The following MEF2A variants were observed in gnomAD, a reference collection of about 807,000 sequenced individuals.
The protein encoded by MEF2A is myocyte enhancer factor 2A.
MEF2A carries 28 observed loss-of-function variants against 55.8 expected under a neutral mutation model. That is an observed-to-expected ratio of 0.50 (90% confidence interval 0.37 to 0.69). The LOEUF (loss-of-function observed/expected upper bound fraction) is 0.69. Ranked by LOEUF, MEF2A falls within the 30% of genes least tolerant of loss-of-function variation. MEF2A has a pLI of 0.00. For synonymous variants in MEF2A, 239 were observed against 227.1 expected, an observed-to-expected ratio of 1.05 and a Z score of -0.47; for missense variants, 528 against 626.2, an observed-to-expected ratio of 0.84 and a Z score of 1.67.
intron 11 of MEF2A, 110 bp downstream of exon 11, chr15:99,710,870 T>G: frequency 2.4e-6 from 3 of 1,252,898 alleles, no homozygotes; most frequent in South Asian, 3.1e-5. Flanking sequence ...AATCCTGTAA[T>G]GATTCCTTTT....
intron 4 of MEF2A, among the ~76,000 whole-genome samples, chr15:99,667,866 A>G (rs2050102029): frequency 6.6e-6 from 1 of 152,222 alleles, no homozygotes; most frequent in Admixed American, 6.5e-5. Flanking sequence ...CCCTAGAATC[A>G]GATAACTTGG....
intron 8 of MEF2A, among the ~76,000 whole-genome samples, chr15:99,699,454 G>A (rs911599772): frequency 5.3e-5 from 8 of 152,320 alleles, no homozygotes; most frequent in Admixed American, 2.0e-4. Context: ...GAACTAATCT[G>A]TGTGATGCTG....
rs1972353373 is a variant in MEF2A at position 99,599,710 on chromosome 15, A to G, written c.-143+1199A>G. Among the ~76,000 whole-genome samples the G allele has an allele frequency of 3.9e-5, 6 of 152,206 alleles. No individual in the cohort carries two copies. The South Asian group carries it at 1.2e-3, about 32-fold the overall frequency. On this transcript the variant is annotated intron_variant, in intron 2 of 11. Coordinates refer to ENST00000557942, the MANE Select transcript of MEF2A (RefSeq NM_001319206.4). ...TGTGTAGGTGGGATGGGAACAGTGGAGTTTAATTCTCATTTTAAAATATAA... is the reference window on the plus strand; with the variant it reads ...TGTGTAGGTGGGATGGGAACAGTGGGGTTTAATTCTCATTTTAAAATATAA...
At chr15:99,711,343 C>T (rs2058621587) in intron 11 of MEF2A, among the ~76,000 whole-genome samples, 1 of 152,202 alleles carries the variant, frequency 6.6e-6, no homozygotes, top group Non-Finnish European at 1.5e-5. Flanking sequence ...TGATCCCAGC[C>T]CAATGCACAC....
At chr15:99,647,701 A>G (rs1360200803) in intron 4 of MEF2A, among the ~76,000 whole-genome samples, 1 of 152,184 alleles carries the variant, frequency 6.6e-6, no homozygotes, top group African/African-American at 2.4e-5. Flanking sequence ...GCTCAATTAC[A>G]TATTGGGATT....
At chr15:99,604,630 A>G (rs1343630576) in intron 2 of MEF2A, among the ~76,000 whole-genome samples, 2 of 146,398 alleles carry the variant, frequency 1.4e-5, no homozygotes, top group Admixed American at 1.3e-4. Context: ...TATGGGCCAC[A>G]TTTTTTTGCC....
At chr15:99,606,602 A>G (rs959989903) in intron 2 of MEF2A, among the ~76,000 whole-genome samples, 1 of 152,180 alleles carries the variant, frequency 6.6e-6, no homozygotes, top group Non-Finnish European at 1.5e-5. Flanking sequence ...AGAAATTCAG[A>G]TATTTAAGAA....
intron 5 of MEF2A, among the ~76,000 whole-genome samples, chr15:99,672,159 G>A (rs1455157612): frequency 6.6e-6 from 1 of 152,166 alleles, no homozygotes; most frequent in Non-Finnish European, 1.5e-5. Flanking sequence ...TTGTATAGTT[G>A]CTATAATAGC....
intron 4 of MEF2A, among the ~76,000 whole-genome samples, chr15:99,663,471 T>G (rs1320095951): frequency 1.3e-5 from 2 of 151,938 alleles, no homozygotes; most frequent in Non-Finnish European, 2.9e-5. Context: ...ACAAATAGAA[T>G]CACATATATA....
In MEF2A at chr15:99,602,076, A is replaced by G. The variant is rs368191364; in HGVS notation, c.-143+3565A>G. On this transcript the variant is annotated intron_variant, in intron 2 of 11. Transcript: ENST00000557942. ...CTTGCCCTCTCAGAAGAAAGAATTC[A>G]ACTGAGGGGTATAAGGCAGAAGGAG... is the stretch of plus-strand genomic sequence containing the variant. Among the ~76,000 whole-genome samples the G allele has an allele frequency of 9.9e-5, 15 of 152,218 alleles. 1 individual carries two copies. Among genetic ancestry groups the G allele is most frequent in the African/African-American group, 3.4e-4 (14 of 41,534 alleles).
At chr15:99,678,775 G>A in intron 7 of MEF2A, 4 of 789,460 alleles carry the variant, frequency 5.1e-6, no homozygotes, top group Non-Finnish European at 6.1e-6. Flanking sequence ...TGATTTGCTT[G>A]TGTGAAAATT....
chr15:99,637,024 CTGTTT>C (rs2043996616), intron 3 of MEF2A, among the ~76,000 whole-genome samples: 2 of 151,944 alleles, frequency 1.3e-5, no homozygotes, highest in Admixed American at 1.3e-4. Flanking sequence ...TCTAAATTCT[CTGTTT>C]TGTTCCATTT....
chr15:99,643,963 C>T (rs1006720461), intron 3 of MEF2A, among the ~76,000 whole-genome samples: 1 of 152,122 alleles, frequency 6.6e-6, no homozygotes, highest in Admixed American at 6.5e-5. Context: ...GTATATGACA[C>T]AATTTACATG....
At chr15:99,692,044 C>T (rs1282143347) in intron 8 of MEF2A, among the ~76,000 whole-genome samples, 2 of 152,178 alleles carry the variant, frequency 1.3e-5, no homozygotes, top group Non-Finnish European at 2.9e-5. Flanking sequence ...AAATGATATG[C>T]CAGGTGTTCT....
chr15:99,578,891 G>A (rs747717326), intron 1 of MEF2A, among the ~76,000 whole-genome samples: 1 of 152,192 alleles, frequency 6.6e-6, no homozygotes, highest in African/African-American at 2.4e-5. Context: ...GAATATATAA[G>A]TACATGATAA....
Position 99,636,357 on chromosome 15 carries a change from T to G in MEF2A, c.54+3184T>G, listed in dbSNP as rs183409586. Among the ~76,000 whole-genome samples the G allele has an allele frequency of 2.4e-3, 368 of 152,264 alleles. 1 individual carries two copies. Among genetic ancestry groups the G allele is most frequent in the Non-Finnish European group, 4.6e-3 (311 of 68,016 alleles). On this transcript the variant is annotated intron_variant, in intron 3 of 11. Coordinates refer to ENST00000557942, the MANE Select transcript of MEF2A (RefSeq NM_001319206.4). ...CTTTTCACTTTCTTTTTTAAAAATT[T>G]TATTTTAGAGACAGGGTCTTGCTGT...
intron 1 of MEF2A, among the ~76,000 whole-genome samples, chr15:99,575,335 A>C (rs1457514260): frequency 6.6e-6 from 1 of 152,148 alleles, no homozygotes; most frequent in Non-Finnish European, 1.5e-5. Context: ...AATCTGAAAC[A>C]GTTCTTCAGC....
intron 4 of MEF2A, among the ~76,000 whole-genome samples, chr15:99,653,317 T>C (rs2047159545): frequency 6.6e-6 from 1 of 152,238 alleles, no homozygotes; most frequent in Admixed American, 6.5e-5. Context: ...TTTTCATATT[T>C]ATTTTGAAGT....
intron 11 of MEF2A, among the ~76,000 whole-genome samples, chr15:99,711,366 T>C (rs1407423329): frequency 6.6e-6 from 1 of 152,224 alleles, no homozygotes; most frequent in Non-Finnish European, 1.5e-5. Context: ...CAAACCTCAT[T>C]CACAAAGAGA....
Sources: gnomAD v4.1 joint callset for allele counts (sites outside exome capture counted in the v4.1 genomes callset) on GRCh38, gnomAD v4.1.1 for gene constraint, MANE v1.5 for transcripts, NCBI Gene and HGNC (gene_info 2026-07-23, HGNC 2026-07-21) for gene names.